The following ITGBL1 variants were observed in gnomAD, a reference collection of about 807,000 sequenced individuals.
ITGBL1 encodes integrin beta-like protein 1.
Under a neutral mutation model 68.5 loss-of-function variants are expected in ITGBL1, and 51 were observed. The observed-to-expected ratio is 0.74, with a 90% CI of 0.59 to 0.94. ITGBL1 has a LOEUF of 0.94. Ranked by LOEUF, ITGBL1 falls within the 40% of genes least tolerant of loss-of-function variation. The probability of loss-of-function intolerance (pLI) is 0.00; values close to 1 mark genes in which losing one functional copy is unlikely to be tolerated. For missense variants in ITGBL1, 649 were observed against 647.4 expected (o/e 1.00, Z -0.03); for synonymous variants, 209 against 227.3 (o/e 0.92, Z 0.72).
intron 2 of ITGBL1, among the ~76,000 whole-genome samples, chr13:101,485,299 A>T (rs1041352825): frequency 6.6e-6 from 1 of 152,200 alleles, no homozygotes; most frequent in Non-Finnish European, 1.5e-5. Flanking sequence ...TGGTAATTAC[A>T]TGGGTAAATA....
chr13:101,699,714 A>T (rs867052546), intron 8 of ITGBL1, among the ~76,000 whole-genome samples: 2 of 152,142 alleles, frequency 1.3e-5, no homozygotes, highest in African/African-American at 4.8e-5. Context: ...AGTTCTTTAA[A>T]CACAGATGTT....
chr13:101,563,134 G>T (rs2050127902), intron 2 of ITGBL1, among the ~76,000 whole-genome samples: 1 of 150,984 alleles, frequency 6.6e-6, no homozygotes, highest in African/African-American at 2.4e-5. Flanking sequence ...TCAAAAATTT[G>T]TGGATTGCAG....
At chr13:101,636,777 A>G (rs930013787) in intron 7 of ITGBL1, among the ~76,000 whole-genome samples, 5 of 152,166 alleles carry the variant, frequency 3.3e-5, no homozygotes, top group South Asian at 2.1e-4. Flanking sequence ...AATACGTTCT[A>G]TCATCTCTAA....
intron 2 of ITGBL1, among the ~76,000 whole-genome samples, chr13:101,463,931 C>T (rs1289909425): frequency 7.5e-6 from 1 of 132,722 alleles, no homozygotes; most frequent in Non-Finnish European, 1.5e-5. Flanking sequence ...TTTTCCGAGA[C>T]AGATTCTCGC....
chr13:101,604,901 C>CACAT (rs1566753055), intron 7 of ITGBL1, among the ~76,000 whole-genome samples: 1 of 90,752 alleles, frequency 1.1e-5, no homozygotes, highest in Non-Finnish European at 2.4e-5. Context: ...CACACACACA[C>CACAT]ATATATATGT....
intron 7 of ITGBL1, among the ~76,000 whole-genome samples, chr13:101,643,104 G>A (rs1217947980): frequency 2.7e-4 from 41 of 151,740 alleles, no homozygotes; most frequent in Middle Eastern, 3.4e-3. Context: ...TGTGAAGAAA[G>A]TCATTGGTAG....
At chr13:101,704,678 C>T (rs147809558) in intron 8 of ITGBL1, among the ~76,000 whole-genome samples, 2 of 152,184 alleles carry the variant, frequency 1.3e-5, no homozygotes, top group East Asian at 3.9e-4. Context: ...TGCTGTGTCT[C>T]ACTTTCTAAA....
In ITGBL1 at chr13:101,633,685, G is replaced by A. The variant is rs967335518; in HGVS notation, c.1015+35386G>A. On this transcript the variant is annotated intron_variant, in intron 7 of 10. Transcript: ENST00000376180. ...CTTTCGGCCAAAGTAAGAAAAATAC[G>A]TGAAGAGTTGCAGCTGACATGTAAC... 3.3e-5 allele frequency among the ~76,000 whole-genome samples: 5 copies of A among 152,148 alleles called. No individual in the cohort carries two copies. The South Asian group carries it at 6.2e-4, about 19-fold the overall frequency.
intron 2 of ITGBL1, among the ~76,000 whole-genome samples, chr13:101,502,283 GA>G (rs1412109924): frequency 6.6e-6 from 1 of 152,172 alleles, no homozygotes; most frequent in African/African-American, 2.4e-5. Context: ...TAAGTTATCA[GA>G]AGGTTGAATT....
intron 6 of ITGBL1, among the ~76,000 whole-genome samples, chr13:101,591,876 G>T (rs1190109083): frequency 6.6e-6 from 1 of 152,096 alleles, no homozygotes; most frequent in Non-Finnish European, 1.5e-5. Context: ...AGGAATTATG[G>T]AAAGCTCAGT....
intron 9 of ITGBL1, chr13:101,713,354 A>T (rs1000188118): frequency 6.6e-6 from 1 of 152,272 alleles, no homozygotes; most frequent in Non-Finnish European, 1.5e-5. Context: ...CCCCTTTTCA[A>T]TATATTTTGA....
At chr13:101,481,403 A>G (rs2048622445) in intron 2 of ITGBL1, among the ~76,000 whole-genome samples, 1 of 152,104 alleles carries the variant, frequency 6.6e-6, no homozygotes, top group Admixed American at 6.6e-5. Context: ...CTATAGGAAG[A>G]AAAGGGAAAG....
At chr13:101,529,922 G>A (rs2049444198) in intron 2 of ITGBL1, among the ~76,000 whole-genome samples, 1 of 152,046 alleles carries the variant, frequency 6.6e-6, no homozygotes, top group South Asian at 2.1e-4. Context: ...TAATTCAGCA[G>A]TTAAGATAAT....
At chr13:101,626,768 T>C (rs761210917) in intron 7 of ITGBL1, among the ~76,000 whole-genome samples, 9 of 152,230 alleles carry the variant, frequency 5.9e-5, no homozygotes, top group Non-Finnish European at 1.2e-4. Flanking sequence ...TCTCAGACAA[T>C]AGGAGTACAT....
chr13:101,456,017 C>A (rs1235823268), intron 2 of ITGBL1, among the ~76,000 whole-genome samples: 1 of 152,076 alleles, frequency 6.6e-6, no homozygotes, highest in East Asian at 1.9e-4. Flanking sequence ...AGAAACTATG[C>A]AGAAGGAATG....
chr13:101,564,222 G>C (rs1241479766), intron 2 of ITGBL1, among the ~76,000 whole-genome samples: 2 of 151,934 alleles, frequency 1.3e-5, no homozygotes, highest in Non-Finnish European at 1.5e-5. Context: ...GGAGTTCTCA[G>C]AATACTTGAT....
downstream of ITGBL1, chr13:101,720,343 C>T (rs1290434794): frequency 3.3e-5 from 5 of 152,092 alleles, no homozygotes; most frequent in Admixed American, 2.6e-4. Context: ...TGACATCCTT[C>T]ATAGGGATAA....
At chr13:101,634,829 A>G (rs550946669) in intron 7 of ITGBL1, among the ~76,000 whole-genome samples, 1 of 152,164 alleles carries the variant, frequency 6.6e-6, no homozygotes, top group South Asian at 2.1e-4. Context: ...GGGCAGGGAT[A>G]GTATTTGCAA....
intron 7 of ITGBL1, among the ~76,000 whole-genome samples, chr13:101,667,913 AC>A (rs71200754): frequency 4.7e-4 from 71 of 150,598 alleles, no homozygotes; most frequent in Admixed American, 6.6e-4. Context: ...AAAAAAAAAA[AC>A]CCCAAATGCC....
Sources: allele counts gnomAD v4.1 joint callset (sites outside exome capture counted in the v4.1 genomes callset), GRCh38; gene constraint gnomAD v4.1.1; transcripts MANE v1.5; gene names NCBI Gene and HGNC (gene_info 2026-07-23, HGNC 2026-07-21).